Variants in DYM observed in about 807,000 individuals in gnomAD.
DYM encodes dymeclin, also known as dyggve-Melchior-Clausen syndrome protein.
Under a neutral mutation model 93.1 loss-of-function variants are expected in DYM, and 78 were observed. The observed-to-expected ratio is 0.84, with a 90% CI of 0.70 to 1.01. DYM has a LOEUF of 1.01. Among genes scored for constraint, DYM ranks in the 50% least tolerant of loss-of-function variants. The pLI, the probability that DYM is intolerant of heterozygous loss-of-function variation, is 0.00. For synonymous variants in DYM, 321 were observed against 319.7 expected (o/e 1.00, Z -0.04); for missense variants, 789 against 845.0 (o/e 0.93, Z 0.82).
In DYM at chr18:49,041,407, A is replaced by G. The variant is rs536545929; in HGVS notation, c.*2648T>C. 3.3e-5 allele frequency: 5 copies of G among 152,370 alleles called. No individual in the cohort carries two copies. Among genetic ancestry groups the G allele is most frequent in the African/African-American group, 1.2e-4 (5 of 41,584 alleles). 9.4% of individuals were successfully genotyped at this position (152,370 alleles called of 1,614,324 possible). A position where few individuals can be genotyped will look rare whatever the true frequency, so the allele number is the denominator to read the frequency against. On this transcript the variant is annotated 3_prime_UTR_variant, in exon 18 of 18. Coordinates refer to ENST00000675505, the MANE Select transcript of DYM (RefSeq NM_001353214.3). ...ACACACGATGATCCTGTGTTGCATC[A>G]TTACACATTTTTACTTCGTGTAAAA...
intron 14 of DYM, 98 bp downstream of exon 14, chr18:49,209,450 TCTC>T: frequency 1.3e-6 from 1 of 784,110 alleles, no homozygotes; most frequent in Non-Finnish European, 1.6e-6. Flanking sequence ...ATATAAATGT[TCTC>T]TTTAATAATT....
intron 3 of DYM, among the ~76,000 whole-genome samples, chr18:49,380,523 G>A (rs112640395): frequency 6.6e-6 from 1 of 152,182 alleles, no homozygotes; most frequent in Admixed American, 6.5e-5. Context: ...AGTATCACTT[G>A]CATTTCACCG....
intron 15 of DYM, among the ~76,000 whole-genome samples, chr18:49,141,406 C>T (rs1382177641): frequency 2.0e-5 from 3 of 152,156 alleles, no homozygotes; most frequent in African/African-American, 7.2e-5. Context: ...CGTAAATGGG[C>T]TCATCAGGCC....
At chr18:49,223,704 G>A (rs1040399263) in intron 13 of DYM, among the ~76,000 whole-genome samples, 1 of 152,138 alleles carries the variant, frequency 6.6e-6, no homozygotes, top group East Asian at 1.9e-4. Flanking sequence ...ATAGGTAAGG[G>A]AAAGTTTCCT....
At chr18:49,066,134 T>A (rs1024335908) in intron 17 of DYM, among the ~76,000 whole-genome samples, 1 of 148,022 alleles carries the variant, frequency 6.8e-6, no homozygotes, top group Non-Finnish European at 1.5e-5. Flanking sequence ...TTTTTTGCCA[T>A]ATAGCAAAAA....
intron 11 of DYM, among the ~76,000 whole-genome samples, chr18:49,265,398 A>T (rs969103200): frequency 1.3e-5 from 2 of 152,324 alleles, no homozygotes; most frequent in African/African-American, 4.8e-5. Context: ...CTTCTGACTA[A>T]ATAGTGGAAG....
At chr18:49,166,032 T>C (rs1207541625) in intron 14 of DYM, among the ~76,000 whole-genome samples, 1 of 152,058 alleles carries the variant, frequency 6.6e-6, no homozygotes, top group Admixed American at 6.6e-5. Flanking sequence ...TTTTTTCCAA[T>C]CATTTTATTT....
chr18:49,422,614 C>G (rs890255242), intron 2 of DYM, among the ~76,000 whole-genome samples: 37 of 151,976 alleles, frequency 2.4e-4, no homozygotes, highest in Admixed American at 4.6e-4. Context: ...ATTGGATAAA[C>G]AGTCAAGACC....
intron 2 of DYM, among the ~76,000 whole-genome samples, chr18:49,425,890 GAAACAACAGGT>G (rs1489166068): frequency 4.6e-5 from 7 of 151,916 alleles, no homozygotes; most frequent in Non-Finnish European, 1.0e-4. Context: ...AAAAAGTCAG[GAAACAACAGGT>G]GCTGGAGAGG....
chr18:49,224,223 G>A (rs12606493), intron 13 of DYM, among the ~76,000 whole-genome samples: 109,729 of 151,882 alleles, frequency 0.72, 40,657 homozygotes, highest in Non-Finnish European at 0.81. Flanking sequence ...GGCAACAGAG[G>A]AAGAGGATCA....
intron 13 of DYM, among the ~76,000 whole-genome samples, chr18:49,229,654 T>C (rs930134563): frequency 6.6e-6 from 1 of 152,178 alleles, no homozygotes; most frequent in Non-Finnish European, 1.5e-5. Flanking sequence ...AGAACTGTCA[T>C]ATATTGTTGG....
At chr18:49,354,681 C>A (rs2065390559) in intron 6 of DYM, among the ~76,000 whole-genome samples, 1 of 152,066 alleles carries the variant, frequency 6.6e-6, no homozygotes, top group Admixed American at 6.5e-5. Flanking sequence ...TGAAGAGATG[C>A]TCAACATCAT....
chr18:49,213,752 CTTCCT>C (rs927165787), intron 13 of DYM, among the ~76,000 whole-genome samples: 2 of 152,098 alleles, frequency 1.3e-5, no homozygotes, highest in Admixed American at 6.6e-5. Flanking sequence ...CCCTCCTCTC[CTTCCT>C]TTGAGAAAGC....
chr18:49,305,386 T>C (rs934505295), intron 8 of DYM, among the ~76,000 whole-genome samples: 3 of 152,190 alleles, frequency 2.0e-5, no homozygotes, highest in African/African-American at 7.2e-5. Context: ...TCCTACTACA[T>C]TGACCTAGTC....
In DYM at chr18:49,243,751, C is replaced by T. The variant is rs143783625; in HGVS notation, c.1460+13259G>A. On this transcript the variant is annotated intron_variant, in intron 13 of 17. Coordinates refer to ENST00000675505, the MANE Select transcript of DYM (RefSeq NM_001353214.3). ...TTCTCAGAGAACATACTTAGAATCT[C>T]AGTGATTCATTTAATACTGAGTGAT... Among the ~76,000 whole-genome samples, 655 of 151,758 alleles carry T rather than the reference C, an allele frequency of 4.3e-3. 2 individuals carry two copies. The highest frequency in any genetic ancestry group is 6.0e-3 in the Non-Finnish European group (405 of 67,940).
At chr18:49,166,252 C>T (rs778421697) in intron 14 of DYM, among the ~76,000 whole-genome samples, 8 of 152,072 alleles carry the variant, frequency 5.3e-5, no homozygotes, top group Non-Finnish European at 1.2e-4. Context: ...TTTGTTATTC[C>T]ATGAAATATA....
At chr18:49,279,244 T>A (rs114291482) in intron 10 of DYM, among the ~76,000 whole-genome samples, 3,074 of 152,316 alleles carry the variant, frequency 0.02, 101 homozygotes, top group African/African-American at 0.07. Flanking sequence ...AGCCAACACC[T>A]GTCGCTGAAT....
At chr18:49,312,792 TAAG>T (rs1333217469) in intron 8 of DYM, among the ~76,000 whole-genome samples, 2 of 152,128 alleles carry the variant, frequency 1.3e-5, no homozygotes, top group African/African-American at 4.8e-5. Context: ...GCAGAGTGAC[TAAG>T]AAGAAAAATC....
In DYM at chr18:49,126,392, T is replaced by C. The variant is rs555121235; in HGVS notation, c.1729-7466A>G. 7.2e-4 allele frequency: 110 copies of C among 152,370 alleles called. 2 individuals carry two copies. Among genetic ancestry groups the C allele is most frequent in the African/African-American group, 2.6e-3 (109 of 41,590 alleles). 9.4% of individuals were successfully genotyped at this position (152,370 alleles called of 1,614,324 possible). A position where few individuals can be genotyped will look rare whatever the true frequency, so the allele number is the denominator to read the frequency against. ...GAAAACTATCTCAACAACTATAATT[T>C]CCCAGTTACTTGAATCTTCAACTTG... On this transcript the variant is annotated intron_variant, in intron 15 of 17. Transcript: ENST00000675505.
Sources: gnomAD v4.1 joint callset for allele counts (sites outside exome capture counted in the v4.1 genomes callset) on GRCh38, gnomAD v4.1.1 for gene constraint, MANE v1.5 for transcripts, NCBI Gene and HGNC (gene_info 2026-07-23, HGNC 2026-07-21) for gene names.